The following CSNK1D variants were observed in gnomAD, a reference collection of about 807,000 sequenced individuals.
CSNK1D encodes the protein casein kinase I isoform delta.
Under a neutral mutation model 46.6 loss-of-function variants are expected in CSNK1D, and 16 were observed. That is an observed-to-expected ratio of 0.34 (90% CI 0.23 to 0.52). The LOEUF is 0.52. Ranked by LOEUF, CSNK1D falls within the 20% of genes least tolerant of loss-of-function variation. The pLI is 0.95. For missense variants in CSNK1D, 398 were observed against 578.4 expected (o/e 0.69, Z 3.20); for synonymous variants, 276 against 228.2 (o/e 1.21, Z -1.89).
chr17:82,263,759 C>T (rs1256077586), intron 2 of CSNK1D, among the ~76,000 whole-genome samples: 1 of 152,384 alleles, frequency 6.6e-6, no homozygotes, highest in African/African-American at 2.4e-5. Context: ...TTGACCCCAG[C>T]ACCAGGCTCC....
chr17:82,251,396 A>C lies in CSNK1D; in HGVS notation c.868T>G (p.Trp290Gly). ...QGFSYDYVFD[W>G]NMLKFGASRA... ...CGACTTACAAATTTGAGCATGTTCC[A>C]GTCGAACACGTAGTCATAGGAGAAG... Residue 290 changes from tryptophan to glycine, a missense_variant, in exon 6 of 9, where the codon TGG becomes GGG. By Grantham distance (184) the Trp-to-Gly change is radical (BLOSUM62 -2). Around this residue, in one of 2 missense-constraint regions of CSNK1D, gnomAD observed 181 missense variants for 208.0 expected, o/e 0.87. Coordinates refer to ENST00000314028, the MANE Select transcript of CSNK1D (RefSeq NM_001893.6). This position sits in a 1 kb window ranked among gnomAD's most constrained non-coding sequence, Gnocchi z 4.5. The C allele has an allele frequency of 6.2e-7, 1 of 1,614,170 alleles. No homozygotes were observed.
chr17:82,245,895 C>T, intron 8 of CSNK1D: 1 of 1,425,290 alleles, frequency 7.0e-7, no homozygotes, highest in Non-Finnish European at 9.7e-7. Flanking sequence ...GCCCAGCCCA[C>T]CTGCAAGCTC....
At position 82,273,242 on chromosome 17, in the gene CSNK1D, G is replaced by T; in HGVS notation, c.76+64C>A. On this transcript the variant is annotated intron_variant, in intron 1 of 8. Transcript: ENST00000314028. The surrounding 1 kb of genome is among the most constrained non-coding windows in gnomAD (Gnocchi z 5.1). ...GGCCACCACTTCCTTCCGCGATCGCGCTTGGTCTTGGCAGCCGCAGGGCCC... is the reference window on the plus strand; with the variant it reads ...GGCCACCACTTCCTTCCGCGATCGCTCTTGGTCTTGGCAGCCGCAGGGCCC... 6.6e-7 allele frequency: 1 copy of T among 1,509,658 alleles called. No individual in the cohort carries two copies. The highest frequency in any genetic ancestry group is 1.4e-5 in the African/African-American group (1 of 71,402). 93.5% of individuals were successfully genotyped at this position (1,509,658 alleles called of 1,614,324 possible).
rs534740049 is a variant in CSNK1D at position 82,257,524 on chromosome 17, G to A, written c.188-1947C>T. Among the ~76,000 whole-genome samples the A allele has an allele frequency of 4.6e-5, 7 of 152,278 alleles. No homozygotes were observed. The South Asian group carries it at 1.5e-3, about 32-fold the overall frequency. ...CGCCCTCACACCTTAAGTAACTAAG[G>A]GAAAGAACAAAACACACACCCTCAC... On this transcript the variant is annotated intron_variant, in intron 2 of 8. Coordinates refer to ENST00000314028, the MANE Select transcript of CSNK1D (RefSeq NM_001893.6).
At position 82,244,663 on chromosome 17, in the gene CSNK1D, A is replaced by C; in HGVS notation, c.*118T>G. ...GAGCGTCGCTGGGTGAGTGGCCTGG[A>C]GAGCTCCCGGTGTTAACATTTCGAT... On this transcript the variant is annotated 3_prime_UTR_variant, in exon 9 of 9. Transcript: ENST00000314028. 1 of 1,572,708 alleles carries C rather than the reference A, an allele frequency of 6.4e-7. No homozygotes were observed. The highest frequency in any genetic ancestry group is 1.3e-5 in the African/African-American group (1 of 74,462).
rs760248968 is a variant in CSNK1D at position 82,248,683 on chromosome 17, C to T, written c.1197+192G>A. The T allele has an allele frequency of 1.1e-5, 15 of 1,421,318 alleles. No individual in the cohort carries two copies. The highest frequency in any genetic ancestry group is 1.5e-5 in the South Asian group (1 of 67,132). The allele number at this position is 1,421,318 out of a possible 1,614,324, so 88.0% of individuals were successfully genotyped here. On this transcript the variant is annotated intron_variant, in intron 8 of 8. Transcript: ENST00000314028. This position sits in a 1 kb window ranked among gnomAD's most constrained non-coding sequence, Gnocchi z 4.1. ...TGCAACCAGGAGACAAGCCCCATGA[C>T]GGCCCAGCATGTCTCCCAGGCCCTC...
intron 8 of CSNK1D, chr17:82,246,602 GA>G (rs2050856392): frequency 2.0e-6 from 2 of 1,023,458 alleles, no homozygotes; most frequent in East Asian, 1.7e-4. Context: ...GAGAGGGGGC[GA>G]AGAGGGAACA....
Position 82,255,452 on chromosome 17 carries a change from C to T in CSNK1D, c.313G>A (p.Val105Ile), listed in dbSNP as rs186931747. The T allele has an allele frequency of 5.0e-6, 8 of 1,614,052 alleles. No individual in the cohort carries two copies. Among genetic ancestry groups the T allele is most frequent in the Non-Finnish European group, 5.1e-6 (6 of 1,180,050 alleles). ...ACCATTTGGTCAGCAAGCAGCAGGA[C>T]GGTTTTGAGGCTGAATTTCCTGGAG... ...FCSRKFSLKT[V>I]LLLADQMISR... Residue 105 changes from valine to isoleucine, a missense_variant, in exon 3 of 9, where the codon GTC becomes ATC. Around this residue, in one of 2 missense-constraint regions of CSNK1D, gnomAD observed 217 missense variants for 370.3 expected, o/e 0.59. Coordinates refer to ENST00000314028, the MANE Select transcript of CSNK1D (RefSeq NM_001893.6). This position sits in a 1 kb window ranked among gnomAD's most constrained non-coding sequence, Gnocchi z 5.9.
Position 82,255,898 on chromosome 17 carries a change from CG to C in CSNK1D, c.188-322del, listed in dbSNP as rs1453695068. 2.0e-5 allele frequency among the ~76,000 whole-genome samples: 3 copies of C among 152,096 alleles called. No homozygotes were observed. The highest frequency in any genetic ancestry group is 4.4e-5 in the Non-Finnish European group (3 of 68,010). On this transcript the variant is annotated intron_variant, in intron 2 of 8. Coordinates refer to ENST00000314028, the MANE Select transcript of CSNK1D (RefSeq NM_001893.6). The surrounding 1 kb of genome is among the most constrained non-coding windows in gnomAD (Gnocchi z 5.9). ...GGGCAGGAGACACAGAAAGCAGCCA[CG>C]ATGTGGGAAAGAAAAGAGCTCAGGC...
At chr17:82,259,470 G>A (rs1009814978) in intron 2 of CSNK1D, among the ~76,000 whole-genome samples, 1 of 152,200 alleles carries the variant, frequency 6.6e-6, no homozygotes, top group Non-Finnish European at 1.5e-5. Flanking sequence ...TGCACTGCAG[G>A]GGGGAATGGA....
At chr17:82,259,512 T>C (rs552429112) in intron 2 of CSNK1D, among the ~76,000 whole-genome samples, 2 of 152,322 alleles carry the variant, frequency 1.3e-5, no homozygotes, top group Non-Finnish European at 2.9e-5. Context: ...AAAATCGATA[T>C]GTATCAATAT....
At chr17:82,260,680 GATGTGACTGATGGT>G (rs1428315558) in intron 2 of CSNK1D, among the ~76,000 whole-genome samples, 1 of 148,830 alleles carries the variant, frequency 6.7e-6, no homozygotes, top group African/African-American at 2.6e-5. Context: ...TGTACTGACT[GATGTGACTGATGGT>G]GTACTGACTG....
Position 82,250,388 on chromosome 17 carries a change from A to C in CSNK1D, c.886-786T>G, listed in dbSNP as rs2050972112. On this transcript the variant is annotated intron_variant, in intron 6 of 8. Coordinates refer to ENST00000314028, the MANE Select transcript of CSNK1D (RefSeq NM_001893.6). This position sits in a 1 kb window ranked among gnomAD's most constrained non-coding sequence, Gnocchi z 4.6. Reference sequence around the variant, plus strand: ...AGACTCCTCATGCTGCCATTTACGGAAAACGCTGGCCTAGCCTGCTCTGAG... The same window carrying C: ...AGACTCCTCATGCTGCCATTTACGGCAAACGCTGGCCTAGCCTGCTCTGAG... The C allele has an allele frequency of 2.6e-6, 1 of 390,320 alleles. No individual in the cohort carries two copies. Among genetic ancestry groups the C allele is most frequent in the East Asian group, 7.3e-5 (1 of 13,626 alleles). The allele number at this position is 390,320 out of a possible 1,614,324, so 24.2% of individuals were successfully genotyped here.
In CSNK1D at chr17:82,249,726, A is replaced by G. The variant is rs1304974480; in HGVS notation, c.886-124T>C. 3.3e-6 allele frequency: 5 copies of G among 1,515,574 alleles called. No homozygotes were observed. In the African/African-American group the frequency reaches 6.9e-5, roughly 21 times the overall value. 93.9% of individuals were successfully genotyped at this position (1,515,574 alleles called of 1,614,324 possible). On this transcript the variant is annotated intron_variant, in intron 6 of 8. Transcript: ENST00000314028. This position sits in a 1 kb window ranked among gnomAD's most constrained non-coding sequence, Gnocchi z 6.7. ...AGGGCACTGGGACGAGACTGCCTGC[A>G]AAGCCCCCCACAGGCTGCACGTTTC...
Position 82,250,529 on chromosome 17 carries a change from C to T in CSNK1D, c.885+850G>A, listed in dbSNP as rs1358687168. On this transcript the variant is annotated intron_variant, in intron 6 of 8. Coordinates refer to ENST00000314028, the MANE Select transcript of CSNK1D (RefSeq NM_001893.6). The surrounding 1 kb of genome is among the most constrained non-coding windows in gnomAD (Gnocchi z 4.6). ...TGCACCCCTCCCGGCACCTGGGCCC[C>T]GAGGCTCGGGCCTGCCTCGCCTGCC... The T allele has an allele frequency of 2.0e-5, 5 of 247,250 alleles. No individual in the cohort carries two copies. The highest frequency in any genetic ancestry group is 4.6e-5 in the African/African-American group (2 of 43,618). The allele number at this position is 247,250 out of a possible 1,614,324, so 15.3% of individuals were successfully genotyped here.
Position 82,255,576 on chromosome 17 carries a change from C to A in CSNK1D, c.189G>T (p.Val63=). The change falls in exon 3 of 9, where the codon GTG becomes GTT. Residue 63 remains valine, a splice_region_variant and synonymous_variant. Transcript: ENST00000314028. This position sits in a 1 kb window ranked among gnomAD's most constrained non-coding sequence, Gnocchi z 5.9. ...CGCACCATCTGATGGTGGGGATGCC[C>A]ACTAGGCAAGGAAATCAGACACAGT... ...SKIYKMMQGG[V]GIPTIRWCGA... The A allele has an allele frequency of 6.2e-7, 1 of 1,614,144 alleles. No individual in the cohort carries two copies. Among genetic ancestry groups the A allele is most frequent in the Non-Finnish European group, 8.5e-7 (1 of 1,180,032 alleles).
Position 82,255,202 on chromosome 17 carries a change from G to A in CSNK1D, c.336+227C>T, listed in dbSNP as rs78529025. 7.0e-5 allele frequency: 40 copies of A among 572,372 alleles called. 1 individual carries two copies. The highest frequency in any genetic ancestry group is 2.6e-4 in the South Asian group (14 of 53,758). 35.5% of individuals were successfully genotyped at this position (572,372 alleles called of 1,614,324 possible). On this transcript the variant is annotated intron_variant, in intron 3 of 8. Coordinates refer to ENST00000314028, the MANE Select transcript of CSNK1D (RefSeq NM_001893.6). This position sits in a 1 kb window ranked among gnomAD's most constrained non-coding sequence, Gnocchi z 5.9. ...CAGTGAGCTGGGCCGCCGGAGCCTC[G>A]AGAAGCCAGTGAGCTGGGCCGCCGG...
intron 8 of CSNK1D, chr17:82,246,381 G>A (rs1010688851): frequency 1.6e-6 from 2 of 1,261,072 alleles, no homozygotes; most frequent in East Asian, 4.2e-5. Flanking sequence ...ACAGCCTGAA[G>A]GCAGGGGAGA....
At chr17:82,254,488 C>T (rs1378945632) in intron 3 of CSNK1D, 4 of 240,870 alleles carry the variant, frequency 1.7e-5, no homozygotes, top group South Asian at 3.2e-5. Context: ...GCTGAGCCGC[C>T]GGAGCCTCGA....
Sources: gnomAD v4.1 joint callset for allele counts (sites outside exome capture counted in the v4.1 genomes callset) on GRCh38, gnomAD v4.1.1 for gene constraint, gnomAD v4.1.1 regional missense constraint, Gnocchi (gnomAD v3.1) non-coding constraint, MANE v1.5 for transcripts, NCBI Gene and HGNC (gene_info 2026-07-23, HGNC 2026-07-21) for gene names.